The following IL16 variants were observed in gnomAD, a reference collection of about 807,000 sequenced individuals.
IL16 encodes pro-interleukin-16.
IL16 carries 67 observed loss-of-function variants against 110.1 expected under a neutral mutation model. That is an observed-to-expected ratio of 0.61 (90% CI 0.50 to 0.75). The LOEUF is 0.75. Ranked by LOEUF, IL16 falls within the 30% of genes least tolerant of loss-of-function variation. The probability of loss-of-function intolerance (pLI) is 0.00; values close to 1 mark genes in which losing one functional copy is unlikely to be tolerated. For missense variants in IL16, 1,545 were observed against 1,655.0 expected, an observed-to-expected ratio of 0.93 and a Z score of 1.15; for synonymous variants, 689 against 662.9, an observed-to-expected ratio of 1.04 and a Z score of -0.61.
chr15:81,278,283 G>A (rs775163519), intron 6 of IL16, among the ~76,000 whole-genome samples: 10 of 152,062 alleles, frequency 6.6e-5, no homozygotes, highest in Non-Finnish European at 1.5e-4. Flanking sequence ...GAGGGTGCAG[G>A]CCATTGATCA....
At chr15:81,249,133 A>C (rs1409966669) in intron 2 of IL16, among the ~76,000 whole-genome samples, 1 of 152,216 alleles carries the variant, frequency 6.6e-6, no homozygotes, top group Non-Finnish European at 1.5e-5. Context: ...GAATAACAGA[A>C]AAACCATTGA....
intron 1 of IL16, among the ~76,000 whole-genome samples, chr15:81,210,023 A>T (rs1422252068): frequency 6.6e-6 from 1 of 152,148 alleles, no homozygotes; most frequent in East Asian, 1.9e-4. Context: ...CCTTTAATCC[A>T]TTTTGAGTTG....
chr15:81,218,078 G>A (rs1896492339), intron 1 of IL16, among the ~76,000 whole-genome samples: 1 of 152,066 alleles, frequency 6.6e-6, no homozygotes, highest in African/African-American at 2.4e-5. Flanking sequence ...TGTAAATGAA[G>A]CAAGTTTGTT....
chr15:81,271,115 C>T (rs919570286), intron 5 of IL16, among the ~76,000 whole-genome samples: 2 of 152,084 alleles, frequency 1.3e-5, no homozygotes, highest in African/African-American at 4.8e-5. Context: ...CCACAACAAC[C>T]CTCCTATTAT....
At position 81,305,923 on chromosome 15, in the gene IL16, C is replaced by G. The variant is rs1900526556; in HGVS notation, c.3436C>G (p.Pro1146Ala). 6.2e-7 allele frequency: 1 copy of G among 1,614,136 alleles called. No individual in the cohort carries two copies. Among genetic ancestry groups the G allele is most frequent in the Non-Finnish European group, 8.5e-7 (1 of 1,180,006 alleles). The part of the protein sequence containing the change: ...NKVITVHRVF[P>A]NGLASQEGTI... ...GTTTGCTCAGGTTCACAGAGTGTTT[C>G]CAAATGGGCTGGCCTCCCAGGAAGG... The change falls in exon 17 of 19, where the codon CCA (proline) becomes GCA (alanine). Residue 1146 changes from proline (P) to alanine (A), a missense_variant. Pro to Ala is a conservative substitution (Grantham distance 27, BLOSUM62 -1). This residue lies in a region of IL16 where 356 missense variants were observed against 399.3 expected (regional missense o/e 0.89). Coordinates refer to ENST00000683961, the MANE Select transcript of IL16 (RefSeq NM_172217.5).
chr15:81,200,495 G>A (rs893827856), intron 1 of IL16, among the ~76,000 whole-genome samples: 1 of 151,824 alleles, frequency 6.6e-6, no homozygotes, highest in Non-Finnish European at 1.5e-5. Context: ...TCAGCCTCCC[G>A]AGTAGCTGGG....
intron 1 of IL16, chr15:81,182,908 T>G (rs1277891271): frequency 2.3e-6 from 3 of 1,286,802 alleles, no homozygotes; most frequent in East Asian, 1.1e-4. Context: ...TGAGTGGAGC[T>G]CCTTCTCCTA....
upstream of IL16, among the ~76,000 whole-genome samples, chr15:81,194,904 A>G (rs1451619464): frequency 3.3e-5 from 5 of 152,294 alleles, no homozygotes; most frequent in South Asian, 2.1e-4. Context: ...TTGAGCTTCA[A>G]GTGGTGCTTG....
chr15:81,186,820 A>AT (rs1247385501), intron 1 of IL16, among the ~76,000 whole-genome samples: 5 of 149,364 alleles, frequency 3.3e-5, no homozygotes, highest in Non-Finnish European at 7.4e-5. Flanking sequence ...TTTTTTTTTC[A>AT]TTTTTTTCTT....
rs780554307 is a variant in IL16 at position 81,306,035 on chromosome 15, G to A, written c.3548G>A (p.Arg1183His). The change falls in exon 17 of 19, where the codon CGC becomes CAC. Residue 1183 changes from arginine to histidine, a missense_variant. By Grantham distance (29) the Arg-to-His change is conservative. This residue lies in a region of IL16 where 356 missense variants were observed against 399.3 expected (regional missense o/e 0.89). Coordinates refer to ENST00000683961, the MANE Select transcript of IL16 (RefSeq NM_172217.5). ...CACCATGATGCCTTGGCCATCCTCCGCCAAGCTCGAGAGCCCAGGCAAGCT... is the reference window on the plus strand; with the variant it reads ...CACCATGATGCCTTGGCCATCCTCCACCAAGCTCGAGAGCCCAGGCAAGCT... Reference protein sequence around the residue: ...TTHHDALAILRQAREPRQAVI... With the variant: ...TTHHDALAILHQAREPRQAVI... The A allele has an allele frequency of 3.7e-6, 6 of 1,614,104 alleles. No individual in the cohort carries two copies. Among genetic ancestry groups the A allele is most frequent in the African/African-American group, 2.7e-5 (2 of 74,932 alleles).
rs1391796860 is a variant in IL16, at chr15:81,308,747, C to T, written c.3948C>T (p.Ile1316=). The part of the protein sequence containing the change: ...ALPDGPVTIV[I]RRKSLQSKET... ...CTGATGGACCTGTCACGATTGTCAT[C>T]AGGAGAAAAAGCCTCCAGTCCAAGG... is the stretch of plus-strand genomic sequence containing the variant. The change falls in exon 19 of 19, where the codon ATC becomes ATT. Residue 1316 remains isoleucine, a synonymous_variant. Transcript: ENST00000683961. The T allele has an allele frequency of 6.2e-7, 1 of 1,613,970 alleles. No individual in the cohort carries two copies. Among genetic ancestry groups the T allele is most frequent in the Non-Finnish European group, 8.5e-7 (1 of 1,180,018 alleles).
At chr15:81,219,367 C>T (rs72744136) in intron 1 of IL16, among the ~76,000 whole-genome samples, 12,897 of 152,168 alleles carry the variant, frequency 0.085, 553 homozygotes, top group Middle Eastern at 0.1. Flanking sequence ...ATGCCCTTAT[C>T]TATCTGGGTG....
intron 1 of IL16, among the ~76,000 whole-genome samples, chr15:81,219,233 C>T (rs76444422): frequency 0.083 from 12,606 of 152,158 alleles, 843 homozygotes; most frequent in South Asian, 0.3. Context: ...GTGCAGTTGA[C>T]CTCTCATTTC....
chr15:81,279,588 G>T lies in IL16; in HGVS notation c.895G>T (p.Val299Leu). The T allele has an allele frequency of 6.2e-7, 1 of 1,613,620 alleles. No individual in the cohort carries two copies. Residue 299 changes from valine to leucine, a missense_variant, in exon 8 of 19, where the codon GTG (valine) becomes TTG (leucine). Val to Leu is a conservative substitution (Grantham distance 32, BLOSUM62 1). Transcript: ENST00000683961. ...QAKKGLLTLT[V>L]RTRLTAPPSL... ...CAAAAAGGGGCTCCTCACCCTCACCGTGAGAACCCGCCTGACGGCGCCTCC... is the reference window on the plus strand; with the variant it reads ...CAAAAAGGGGCTCCTCACCCTCACCTTGAGAACCCGCCTGACGGCGCCTCC...
intron 6 of IL16, among the ~76,000 whole-genome samples, chr15:81,277,830 A>G (rs1246539441): frequency 6.6e-6 from 1 of 152,318 alleles, no homozygotes; most frequent in East Asian, 1.9e-4. Flanking sequence ...GTCAGTGTAA[A>G]CATAGTATTT....
intron 9 of IL16, among the ~76,000 whole-genome samples, chr15:81,285,394 T>A (rs1250542880): frequency 6.6e-6 from 1 of 152,186 alleles, no homozygotes; most frequent in East Asian, 1.9e-4. Flanking sequence ...ACACCCTCAG[T>A]CTTTAATGGG....
chr15:81,255,954 T>C (rs915269769), intron 2 of IL16, among the ~76,000 whole-genome samples: 1 of 152,190 alleles, frequency 6.6e-6, no homozygotes, highest in Non-Finnish European at 1.5e-5. Flanking sequence ...GTAAAAGTAA[T>C]CATTTATTTT....
At chr15:81,272,512 C>T (rs907096185) in intron 5 of IL16, among the ~76,000 whole-genome samples, 1 of 152,128 alleles carries the variant, frequency 6.6e-6, no homozygotes, top group Admixed American at 6.5e-5. Context: ...ATGGGAATCA[C>T]CTAGGACAAT....
intron 2 of IL16, among the ~76,000 whole-genome samples, chr15:81,228,981 A>C (rs1373725322): frequency 3.3e-5 from 5 of 152,238 alleles, no homozygotes; most frequent in South Asian, 2.1e-4. Context: ...CACTTACATG[A>C]GAAAATTCAC....
Sources: gnomAD v4.1 joint callset for allele counts (sites outside exome capture counted in the v4.1 genomes callset) on GRCh38, gnomAD v4.1.1 for gene constraint, gnomAD v4.1.1 regional missense constraint, MANE v1.5 for transcripts, NCBI Gene and HGNC (gene_info 2026-07-23, HGNC 2026-07-21) for gene names.